APAF1: variants seen among roughly 807,000 people sequenced by gnomAD.
The protein encoded by APAF1 is apoptotic protease-activating factor 1.
Under a neutral mutation model 152.4 loss-of-function variants are expected in APAF1, and 91 were observed. The ratio of observed to expected loss-of-function variants is 0.60; its 90% CI spans 0.50 to 0.71. The LOEUF (loss-of-function observed/expected upper bound fraction) is 0.71, where lower values mean the gene tolerates loss of function less well. APAF1 is among the 30% of genes least tolerant of loss of function. The pLI, the probability that APAF1 is intolerant of heterozygous loss-of-function variation, is 0.00. For synonymous variants in APAF1, 484 were observed against 494.1 expected (o/e 0.98, Z 0.27); for missense variants, 1,283 against 1,472.0 (o/e 0.87, Z 2.10).
chr12:98,646,993 C>T (rs980307022), intron 1 of APAF1, among the ~76,000 whole-genome samples: 2 of 150,554 alleles, frequency 1.3e-5, no homozygotes, highest in Non-Finnish European at 3.0e-5. Flanking sequence ...TCTATTCACT[C>T]TTATGTTTGA....
intron 16 of APAF1, among the ~76,000 whole-genome samples, chr12:98,696,807 G>A (rs1015649619): frequency 2.6e-5 from 4 of 152,118 alleles, no homozygotes; most frequent in Admixed American, 1.3e-4. Flanking sequence ...GGAGTAATCA[G>A]TCTTTTCACT....
intron 5 of APAF1, among the ~76,000 whole-genome samples, chr12:98,661,805 G>A (rs939409918): frequency 6.6e-6 from 1 of 151,774 alleles, no homozygotes; most frequent in Non-Finnish European, 1.5e-5. Flanking sequence ...AGACAAAAAT[G>A]TTATTGTATA....
At chr12:98,668,480 C>T (rs193218673) in intron 10 of APAF1, among the ~76,000 whole-genome samples, 37 of 152,226 alleles carry the variant, frequency 2.4e-4, no homozygotes, top group Non-Finnish European at 4.4e-4. Context: ...ATTGCTCTCA[C>T]GAGTTTATGT....
chr12:98,679,141 G>C (rs912983590), intron 13 of APAF1, among the ~76,000 whole-genome samples: 3 of 152,160 alleles, frequency 2.0e-5, no homozygotes, highest in Non-Finnish European at 4.4e-5. Flanking sequence ...TGGACCAGTT[G>C]GCATGTACTT....
Position 98,712,441 on chromosome 12 carries a change from C to T in APAF1, c.2958+6C>T. ...ATGAAAATGGAGCCATTGAGGTATT[C>T]AGTGCTAGTCTTCAGAATCTTTCTG... On this transcript the variant is annotated splice_donor_region_variant and intron_variant, in intron 21 of 26. Coordinates refer to ENST00000551964, the MANE Select transcript of APAF1 (RefSeq NM_181861.2). 3 of 1,422,856 alleles carry T rather than the reference C, an allele frequency of 2.1e-6. No homozygotes were observed. The highest frequency in any genetic ancestry group is 3.0e-6 in the Non-Finnish European group (3 of 1,005,660). 88.1% of individuals were successfully genotyped at this position (1,422,856 alleles called of 1,614,324 possible).
At chr12:98,652,159 T>C (rs559424959) in intron 4 of APAF1, among the ~76,000 whole-genome samples, 1 of 151,950 alleles carries the variant, frequency 6.6e-6, no homozygotes, top group East Asian at 1.9e-4. Context: ...TGCTATCTTG[T>C]CCAGGCTGGT....
chr12:98,691,170 G>A (rs2097703767), intron 16 of APAF1, among the ~76,000 whole-genome samples: 1 of 152,134 alleles, frequency 6.6e-6, no homozygotes, highest in Admixed American at 6.5e-5. Flanking sequence ...TTGCGCCACT[G>A]CACTCAAGCC....
chr12:98,677,750 A>G (rs1483724622), intron 13 of APAF1, among the ~76,000 whole-genome samples, 199 bp downstream of exon 13: 2 of 152,228 alleles, frequency 1.3e-5, no homozygotes, highest in Non-Finnish European at 2.9e-5. Context: ...CTAAACTTAC[A>G]GGTGGTAAGG....
intron 16 of APAF1, among the ~76,000 whole-genome samples, chr12:98,691,411 T>C (rs1212261386): frequency 6.6e-6 from 1 of 152,174 alleles, no homozygotes; most frequent in South Asian, 2.1e-4. Flanking sequence ...TGATTCTTCC[T>C]TGATTGTATT....
At chr12:98,698,430 A>G (rs891451801) in intron 16 of APAF1, among the ~76,000 whole-genome samples, 1 of 152,104 alleles carries the variant, frequency 6.6e-6, no homozygotes, top group Non-Finnish European at 1.5e-5. Flanking sequence ...TTTTATGTTT[A>G]TTTATTTATT....
At chr12:98,689,468 G>C (rs12826701) in intron 16 of APAF1, among the ~76,000 whole-genome samples, 5,329 of 140,172 alleles carry the variant, frequency 0.038, 153 homozygotes, top group African/African-American at 0.089. Flanking sequence ...GAGAGAGTGT[G>C]TGTGTCTGTG....
intron 25 of APAF1, among the ~76,000 whole-genome samples, chr12:98,726,070 C>A (rs945072196): frequency 1.3e-5 from 2 of 152,178 alleles, no homozygotes; most frequent in Non-Finnish European, 2.9e-5. Context: ...CAGCGAAGGG[C>A]TCCTAATTGA....
chr12:98,659,742 A>C (rs2153313002), intron 5 of APAF1, among the ~76,000 whole-genome samples: 2 of 139,474 alleles, frequency 1.4e-5, no homozygotes, highest in Middle Eastern at 7.2e-3. Context: ...ATAAGAGTGA[A>C]ACTCCATCAG....
At chr12:98,673,385 G>A (rs1185441977) in intron 12 of APAF1, among the ~76,000 whole-genome samples, 3 of 149,460 alleles carry the variant, frequency 2.0e-5, no homozygotes, top group African/African-American at 7.4e-5. Context: ...GCAGTGAGCC[G>A]AGATTGTGCC....
At chr12:98,725,678 T>A in intron 25 of APAF1, 138 bp downstream of exon 25, 2 of 1,174,004 alleles carry the variant, frequency 1.7e-6, no homozygotes, top group Non-Finnish European at 2.5e-6. Context: ...TTTTGTTTCT[T>A]GTGCACATTG....
At chr12:98,691,962 G>T (rs960181864) in intron 16 of APAF1, among the ~76,000 whole-genome samples, 1 of 152,098 alleles carries the variant, frequency 6.6e-6, no homozygotes, top group African/African-American at 2.4e-5. Flanking sequence ...TTTATGAGCT[G>T]TGTTCTTCAT....
intron 12 of APAF1, among the ~76,000 whole-genome samples, chr12:98,675,886 G>A (rs2097685936): frequency 6.6e-6 from 1 of 152,214 alleles, no homozygotes; most frequent in Non-Finnish European, 1.5e-5. Flanking sequence ...GATCTGTCTT[G>A]TGTGTGGTTA....
intron 16 of APAF1, among the ~76,000 whole-genome samples, chr12:98,689,256 C>T (rs1318636210): frequency 6.6e-6 from 1 of 152,170 alleles, no homozygotes; most frequent in East Asian, 1.9e-4. Flanking sequence ...AACCCCTATA[C>T]CTTAATTGTC....
chr12:98,653,078 C>T (rs2097650975), intron 4 of APAF1, among the ~76,000 whole-genome samples: 1 of 151,360 alleles, frequency 6.6e-6, no homozygotes, highest in Admixed American at 6.6e-5. Context: ...TCAAGTAGTC[C>T]TATTACAGTC....
Sources: gnomAD v4.1 joint callset for allele counts (sites outside exome capture counted in the v4.1 genomes callset) on GRCh38, gnomAD v4.1.1 for gene constraint, MANE v1.5 for transcripts, NCBI Gene and HGNC (gene_info 2026-07-23, HGNC 2026-07-21) for gene names.